The following VIT variants were observed in gnomAD, a reference collection of about 807,000 sequenced individuals.
VIT encodes the protein vitrin.
In VIT, 99 loss-of-function variants were observed where a neutral mutation model predicts 78.0. The observed-to-expected ratio is 1.27, with a 90% CI of 1.08 to 1.50. The LOEUF (loss-of-function observed/expected upper bound fraction) is 1.50. VIT is among the 40% of genes most tolerant of loss of function. VIT has a pLI of 0.00. For synonymous variants in VIT, 374 were observed against 334.3 expected, an observed-to-expected ratio of 1.12 and a Z score of -1.29; for missense variants, 1,126 against 875.3, an observed-to-expected ratio of 1.29 and a Z score of -3.61.
At chr2:36,802,354 A>G (rs970904145) in intron 13 of VIT, among the ~76,000 whole-genome samples, 4 of 152,224 alleles carry the variant, frequency 2.6e-5, no homozygotes, top group African/African-American at 9.6e-5. Context: ...TTCTGTCATC[A>G]AAATCCAAAG....
Position 36,787,362 on chromosome 2 carries a change from A to G in VIT, c.1058+86A>G, listed in dbSNP as rs569745733. 2.0e-6 allele frequency: 3 copies of G among 1,496,020 alleles called. No individual in the cohort carries two copies. In the African/African-American group the frequency reaches 4.2e-5, roughly 21 times the overall value. 92.7% of individuals were successfully genotyped at this position (1,496,020 alleles called of 1,614,324 possible). ...CCACGTGCTTAATTTTATGCCACAA[A>G]TATTACCAACATGTCCTTGAGCACA... is the stretch of plus-strand genomic sequence containing the variant. On this transcript the variant is annotated intron_variant, in intron 12 of 15. Transcript: ENST00000379242.
chr2:36,754,644 G>C (rs1668654871), intron 4 of VIT, among the ~76,000 whole-genome samples: 1 of 152,158 alleles, frequency 6.6e-6, no homozygotes, highest in African/African-American at 2.4e-5. Context: ...GAAAACCAAG[G>C]AAAAGAAATC....
intron 3 of VIT, among the ~76,000 whole-genome samples, chr2:36,731,224 A>C (rs1667186126): frequency 6.6e-6 from 1 of 152,090 alleles, no homozygotes; most frequent in South Asian, 2.1e-4. Flanking sequence ...CCTCTCTTTA[A>C]GTACTACTGG....
At chr2:36,716,239 C>G in intron 1 of VIT, 114 bp from the exon 2 acceptor site, 2 of 733,254 alleles carry the variant, frequency 2.7e-6, no homozygotes, top group Non-Finnish European at 4.5e-6. Flanking sequence ...AGCCTGGAAT[C>G]GTAAGACTCC....
intron 7 of VIT, among the ~76,000 whole-genome samples, chr2:36,771,219 A>AG (rs1347783694): frequency 9.0e-5 from 2 of 22,244 alleles, no homozygotes; most frequent in Non-Finnish European, 2.9e-4. Flanking sequence ...AATGGCCAAT[A>AG]AAAAAATTGT....
chr2:36,697,633 T>G (rs181934331), intron 1 of VIT, among the ~76,000 whole-genome samples: 2 of 152,372 alleles, frequency 1.3e-5, no homozygotes. Context: ...ATGAAATCTC[T>G]TTTAAGTATG....
intron 1 of VIT, among the ~76,000 whole-genome samples, chr2:36,708,529 A>C (rs1470022488): frequency 6.6e-6 from 1 of 152,148 alleles, no homozygotes; most frequent in African/African-American, 2.4e-5. Flanking sequence ...TAAGCCCTCC[A>C]TGTCTCCCTG....
intron 15 of VIT, among the ~76,000 whole-genome samples, chr2:36,812,370 C>T (rs969539468): frequency 6.6e-6 from 1 of 152,060 alleles, no homozygotes; most frequent in East Asian, 1.9e-4. Flanking sequence ...TGTTTCATGG[C>T]CATTTTGCTT....
At chr2:36,795,256 T>C (rs1030931721) in intron 12 of VIT, among the ~76,000 whole-genome samples, 1 of 152,140 alleles carries the variant, frequency 6.6e-6, no homozygotes, top group Non-Finnish European at 1.5e-5. Flanking sequence ...GCAGTCATTT[T>C]TTGGATATGT....
At chr2:36,759,445 T>C in intron 6 of VIT, 2 of 1,240,812 alleles carry the variant, frequency 1.6e-6, no homozygotes, top group Non-Finnish European at 2.0e-6. Context: ...AGGTGGTTTA[T>C]GTGATAACAG....
chr2:36,778,635 G>A (rs1207035437), intron 9 of VIT, among the ~76,000 whole-genome samples: 4 of 152,286 alleles, frequency 2.6e-5, no homozygotes, highest in South Asian at 4.1e-4. Flanking sequence ...GATGGCTTAC[G>A]CCCAGGACCC....
chr2:36,814,461 G>A lies in VIT; in HGVS notation c.*100G>A. The A allele has an allele frequency of 5.0e-6, 7 of 1,388,424 alleles. No individual in the cohort carries two copies. The highest frequency in any genetic ancestry group is 5.9e-6 in the Non-Finnish European group (6 of 1,023,284). The allele number at this position is 1,388,424 out of a possible 1,614,324, so 86.0% of individuals were successfully genotyped here. On this transcript the variant is annotated 3_prime_UTR_variant, in exon 16 of 16. Transcript: ENST00000379242. ...GCACGCACGGTGCATCAAGTCTTGGGCAGGGCATGGAGAAACAAATGTCTT... is the reference window on the plus strand; with the variant it reads ...GCACGCACGGTGCATCAAGTCTTGGACAGGGCATGGAGAAACAAATGTCTT...
chr2:36,730,286 G>GGGAAAAAAAAAAA (rs1667114425), intron 3 of VIT, among the ~76,000 whole-genome samples: 3 of 137,374 alleles, frequency 2.2e-5, no homozygotes, highest in African/African-American at 8.1e-5. Flanking sequence ...AGACTGTGTG[G>GGGAAAAAAAAAAA]AAAAAAAAAA....
intron 9 of VIT, among the ~76,000 whole-genome samples, chr2:36,777,835 A>G (rs1670164833): frequency 6.6e-6 from 1 of 152,174 alleles, no homozygotes; most frequent in Admixed American, 6.5e-5. Flanking sequence ...AAATGGATAA[A>G]CGTGCCACCT....
In VIT at chr2:36,743,006, T is replaced by C. The variant is rs374303764; in HGVS notation, c.119-94T>C. 2.4e-5 allele frequency: 36 copies of C among 1,522,934 alleles called. 1 individual carries two copies. The South Asian group carries it at 4.1e-4, about 17-fold the overall frequency. The allele number at this position is 1,522,934 out of a possible 1,614,324, so 94.3% of individuals were successfully genotyped here. On this transcript the variant is annotated intron_variant, in intron 3 of 15. Coordinates refer to ENST00000379242, the MANE Select transcript of VIT (RefSeq NM_053276.4). ...TAGAGTCGGCCCAGGCTCTGGCTTT[T>C]AGAGATTAAGTCAATAGTTGAGACC...
At chr2:36,802,060 A>T (rs760653597) in intron 13 of VIT, among the ~76,000 whole-genome samples, 2 of 152,174 alleles carry the variant, frequency 1.3e-5, no homozygotes, top group Non-Finnish European at 1.5e-5. Flanking sequence ...CTACCGTTGT[A>T]GTGATGATTG....
chr2:36,727,684 A>C (rs966068624), intron 2 of VIT, among the ~76,000 whole-genome samples: 1 of 152,240 alleles, frequency 6.6e-6, no homozygotes, highest in Non-Finnish European at 1.5e-5. Context: ...CATCCACTTC[A>C]TAACAATGTC....
Position 36,783,418 on chromosome 2 carries a change from A to G in VIT, c.910+16A>G, listed in dbSNP as rs1229120335. ...GGAGATCCAAGTAAGTTAATTGACA[A>G]CTAGAAACCCACGGTGTCTTTGACA... is the stretch of plus-strand genomic sequence containing the variant. On this transcript the variant is annotated intron_variant, in intron 11 of 15. Coordinates refer to ENST00000379242, the MANE Select transcript of VIT (RefSeq NM_053276.4). 6.2e-7 allele frequency: 1 copy of G among 1,613,848 alleles called. No homozygotes were observed. The highest frequency in any genetic ancestry group is 1.1e-5 in the South Asian group (1 of 91,074).
Position 36,814,589 on chromosome 2 carries a change from G to T in VIT, c.*228G>T. On this transcript the variant is annotated 3_prime_UTR_variant, in exon 16 of 16. Coordinates refer to ENST00000379242, the MANE Select transcript of VIT (RefSeq NM_053276.4). Reference sequence around the variant, plus strand: ...AGCCAAAAGGCTACATCATGTTGAGGGTGCTGGAGATTTTACATTTTGACA... The same window carrying T: ...AGCCAAAAGGCTACATCATGTTGAGTGTGCTGGAGATTTTACATTTTGACA... 1 of 516,116 alleles carries T rather than the reference G, an allele frequency of 1.9e-6. No homozygotes were observed. Among genetic ancestry groups the T allele is most frequent in the Non-Finnish European group, 3.3e-6 (1 of 302,088 alleles). 32.0% of individuals were successfully genotyped at this position (516,116 alleles called of 1,614,324 possible).
Sources: gnomAD v4.1 joint callset for allele counts (sites outside exome capture counted in the v4.1 genomes callset) on GRCh38, gnomAD v4.1.1 for gene constraint, MANE v1.5 for transcripts, NCBI Gene and HGNC (gene_info 2026-07-23, HGNC 2026-07-21) for gene names.